ELOVL1: variants seen among roughly 807,000 people sequenced by gnomAD.
The protein encoded by ELOVL1 is ELOVL fatty acid elongase 1, also known as very long chain fatty acid elongase 1.
In ELOVL1, 10 loss-of-function variants were observed where a neutral mutation model predicts 37.8. The observed-to-expected ratio is 0.26, with a 90% confidence interval of 0.16 to 0.45. The LOEUF (loss-of-function observed/expected upper bound fraction) is 0.45. ELOVL1 is among the 20% of genes least tolerant of loss of function. ELOVL1 has a pLI of 1.00. For missense variants in ELOVL1, 256 were observed against 352.7 expected (o/e 0.73, Z 2.20); for synonymous variants, 133 against 123.8 (o/e 1.07, Z -0.49).
At chr1:43,365,713 G>A in intron 1 of ELOVL1, 90 bp from the exon 2 acceptor site, 3 of 1,277,850 alleles carry the variant, frequency 2.3e-6, no homozygotes, top group Non-Finnish European at 3.4e-6. Context: ...CAAGACACCT[G>A]CAATGCCTCA....
At position 43,363,619 on chromosome 1, in the gene ELOVL1, TC is replaced by T. The variant is rs1647185831; in HGVS notation, c.*296del. 1 of 449,784 alleles carries T rather than the reference TC, an allele frequency of 2.2e-6. No individual in the cohort carries two copies. Among genetic ancestry groups the T allele is most frequent in the Non-Finnish European group, 4.1e-6 (1 of 246,238 alleles). 27.9% of individuals were successfully genotyped at this position (449,784 alleles called of 1,614,324 possible). ...CCTTTGTGGGGCCAGCCCTGAGTGC[TC>T]CTCTCCCAAGTTTTAAGGCAGGGAG... On this transcript the variant is annotated 3_prime_UTR_variant, in exon 8 of 8. Transcript: ENST00000372458.
In ELOVL1 at chr1:43,365,394, A is replaced by T. The variant is rs1310502409; in HGVS notation, c.47-18T>A. ...CCGGGGATCTATGAATAAGGGTCAA[A>T]GGAATCAGGAAGAGTCACAGGGTTC... is the stretch of plus-strand genomic sequence containing the variant. On this transcript the variant is annotated intron_variant, in intron 2 of 7. Coordinates refer to ENST00000372458, the MANE Select transcript of ELOVL1 (RefSeq NM_022821.4). The T allele has an allele frequency of 6.2e-7, 1 of 1,609,726 alleles. No homozygotes were observed. Among genetic ancestry groups the T allele is most frequent in the Non-Finnish European group, 8.5e-7 (1 of 1,177,688 alleles).
At position 43,363,901 on chromosome 1, in the gene ELOVL1, T is replaced by C; in HGVS notation, c.*15A>G. On this transcript the variant is annotated 3_prime_UTR_variant, in exon 8 of 8. Transcript: ENST00000372458. The stretch of plus-strand genomic sequence containing the variant: ...CCTGAGGCACTTAGGTGGGCGCCTA[T>C]CTAGGCCATGCTTCTCAGTTGGCCT... The C allele has an allele frequency of 6.2e-7, 1 of 1,612,290 alleles. No homozygotes were observed. Among genetic ancestry groups the C allele is most frequent in the Non-Finnish European group, 8.5e-7 (1 of 1,179,846 alleles).
chr1:43,365,134 C>A, intron 3 of ELOVL1, 52 bp downstream of exon 3: 2 of 1,608,190 alleles, frequency 1.2e-6, no homozygotes, highest in Non-Finnish European at 1.7e-6. Flanking sequence ...GCTCTATGGC[C>A]TGCTCCTTAT....
Position 43,363,866 on chromosome 1 carries a change from A to G in ELOVL1, c.*50T>C. 6.5e-7 allele frequency: 1 copy of G among 1,541,064 alleles called. No individual in the cohort carries two copies. The highest frequency in any genetic ancestry group is 9.0e-7 in the Non-Finnish European group (1 of 1,116,326). On this transcript the variant is annotated 3_prime_UTR_variant, in exon 8 of 8. Transcript: ENST00000372458. ...AGAGGGCACTGACGGACACTGCCCT[A>G]AGGTGCAGTCCTGAGGCACTTAGGT...
chr1:43,366,822 C>T (rs542797774), intron 1 of ELOVL1, among the ~76,000 whole-genome samples: 1 of 152,090 alleles, frequency 6.6e-6, no homozygotes, highest in Non-Finnish European at 1.5e-5. Context: ...GCCCCCTCCC[C>T]CTCAGGGCCT....
chr1:43,364,940 AG>A lies in ELOVL1; in HGVS notation c.305del (p.Pro102LeufsTer21). The stretch of plus-strand genomic sequence containing the variant: ...AGCCCCTACTTACCCTAAGTGCCTC[AG>A]GGCTGTTGGAATAGTCCACAGGGTC... ...RCDPVDYSNS[P>X]EALRMVRVAW... On this transcript the variant is annotated frameshift_variant, in exon 4 of 8. Transcript: ENST00000372458. LOFTEE classifies it high-confidence loss of function. This position sits in a 1 kb window ranked among gnomAD's most constrained non-coding sequence, Gnocchi z 5.2. 6.2e-7 allele frequency: 1 copy of A among 1,613,972 alleles called. No individual in the cohort carries two copies. The highest frequency in any genetic ancestry group is 8.5e-7 in the Non-Finnish European group (1 of 1,179,946).
At position 43,363,853 on chromosome 1, in the gene ELOVL1, C is replaced by A. The variant is rs749358750; in HGVS notation, c.*63G>T. On this transcript the variant is annotated 3_prime_UTR_variant, in exon 8 of 8. Coordinates refer to ENST00000372458, the MANE Select transcript of ELOVL1 (RefSeq NM_022821.4). ...CAGGTGTAGGTGGAGAGGGCACTGACGGACACTGCCCTAAGGTGCAGTCCT... is the reference window on the plus strand; with the variant it reads ...CAGGTGTAGGTGGAGAGGGCACTGAAGGACACTGCCCTAAGGTGCAGTCCT... 1.3e-6 allele frequency: 2 copies of A among 1,485,384 alleles called. No individual in the cohort carries two copies. 92.0% of individuals were successfully genotyped at this position (1,485,384 alleles called of 1,614,324 possible). A position where few individuals can be genotyped will look rare whatever the true frequency, so the allele number is the denominator to read the frequency against.
chr1:43,364,740 T>G lies in ELOVL1; in HGVS notation c.373A>C (p.Thr125Pro), dbSNP rs1338798247. ...TCACATCTCATATAACTACTCACTG[T>G]GTCCATCAGCTCAATGAACTTGGAG... Reference protein sequence around the residue: ...LFSKFIELMDTVIFILRKKDG... With the variant: ...LFSKFIELMDPVIFILRKKDG... The change falls in exon 5 of 8, where the codon ACA (threonine) becomes CCA (proline). Residue 125 changes from threonine to proline, a missense_variant and splice_region_variant. Coordinates refer to ENST00000372458, the MANE Select transcript of ELOVL1 (RefSeq NM_022821.4). This position sits in a 1 kb window ranked among gnomAD's most constrained non-coding sequence, Gnocchi z 5.2. 1 of 1,614,124 alleles carries G rather than the reference T, an allele frequency of 6.2e-7. No homozygotes were observed. The highest frequency in any genetic ancestry group is 8.5e-7 in the Non-Finnish European group (1 of 1,180,040).
Position 43,363,532 on chromosome 1 carries a change from AG to A in ELOVL1, c.*383del. 1 of 361,432 alleles carries A rather than the reference AG, an allele frequency of 2.8e-6. No individual in the cohort carries two copies. Among genetic ancestry groups the A allele is most frequent in the Middle Eastern group, 8.4e-4 (1 of 1,196 alleles). 22.4% of individuals were successfully genotyped at this position (361,432 alleles called of 1,614,324 possible). On this transcript the variant is annotated 3_prime_UTR_variant, in exon 8 of 8. Coordinates refer to ENST00000372458, the MANE Select transcript of ELOVL1 (RefSeq NM_022821.4). ...CTTCAGTGTGTGGGGTGGAGGAGTGAGACTGGGTCCACAGTGACATTATTGC... is the reference window on the plus strand; with the variant it reads ...CTTCAGTGTGTGGGGTGGAGGAGTGAACTGGGTCCACAGTGACATTATTGC...
rs1436154176 is a variant in ELOVL1, at chr1:43,363,975, G to T, written c.781C>A (p.Leu261Met). 1 of 1,614,184 alleles carries T rather than the reference G, an allele frequency of 6.2e-7. No individual in the cohort carries two copies. The highest frequency in any genetic ancestry group is 1.3e-5 in the African/African-American group (1 of 75,062). The change falls in exon 8 of 8, where the codon CTG becomes ATG. Residue 261 changes from leucine to methionine, a missense_variant. This residue lies in a region of ELOVL1 where 59 missense variants were observed against 73.3 expected (regional missense o/e 0.80). Coordinates refer to ENST00000372458, the MANE Select transcript of ELOVL1 (RefSeq NM_022821.4). ...CCATTTTGCTGAAGTGCACGGGGCA[G>T]CCGCTTGCCCTTGGTATAAGAGTGA... Reference protein sequence around the residue: ...WYHSYTKGKRLPRALQQNGAP... With the variant: ...WYHSYTKGKRMPRALQQNGAP...
chr1:43,365,384 T>C lies in ELOVL1; in HGVS notation c.47-8A>G. 6.2e-7 allele frequency: 1 copy of C among 1,610,574 alleles called. No individual in the cohort carries two copies. Among genetic ancestry groups the C allele is most frequent in the Non-Finnish European group, 8.5e-7 (1 of 1,178,176 alleles). ...AGCCCTGGATCCGGGGATCTATGAA[T>C]AAGGGTCAAAGGAATCAGGAAGAGT... On this transcript the variant is annotated splice_polypyrimidine_tract_variant and splice_region_variant and intron_variant, in intron 2 of 7. Transcript: ENST00000372458.
Position 43,364,616 on chromosome 1 carries a change from T to G in ELOVL1, c.407A>C (p.Gln136Pro). The change falls in exon 6 of 8, where the codon CAG becomes CCG. Residue 136 changes from glutamine to proline, a missense_variant. Gln to Pro is a moderately conservative substitution (Grantham distance 76). Around this residue, in one of 3 missense-constraint regions of ELOVL1, gnomAD observed 158 missense variants for 189.4 expected, o/e 0.83. Transcript: ENST00000372458. The surrounding 1 kb of genome is among the most constrained non-coding windows in gnomAD (Gnocchi z 5.2). Reference protein sequence around the residue: ...VIFILRKKDGQVTFLHVFHHS... With the variant: ...VIFILRKKDGPVTFLHVFHHS... Reference sequence around the variant, plus strand: ...ATGGAAGACATGTAGGAAGGTCACCTGCCCGTCTTTCTTTCGGAGAATAAA... The same window carrying G: ...ATGGAAGACATGTAGGAAGGTCACCGGCCCGTCTTTCTTTCGGAGAATAAA... 2 of 1,614,164 alleles carry G rather than the reference T, an allele frequency of 1.2e-6. No individual in the cohort carries two copies. Among genetic ancestry groups the G allele is most frequent in the Non-Finnish European group, 1.7e-6 (2 of 1,180,006 alleles).
Position 43,363,849 on chromosome 1 carries a change from C to T in ELOVL1, c.*67G>A. ...GTCACAGGTGTAGGTGGAGAGGGCA[C>T]TGACGGACACTGCCCTAAGGTGCAG... On this transcript the variant is annotated 3_prime_UTR_variant, in exon 8 of 8. Transcript: ENST00000372458. The T allele has an allele frequency of 1.4e-6, 2 of 1,446,278 alleles. No individual in the cohort carries two copies. The highest frequency in any genetic ancestry group is 9.7e-7 in the Non-Finnish European group (1 of 1,033,484). 89.6% of individuals were successfully genotyped at this position (1,446,278 alleles called of 1,614,324 possible).
chr1:43,363,624 TC>T lies in ELOVL1; in HGVS notation c.*291del. On this transcript the variant is annotated 3_prime_UTR_variant, in exon 8 of 8. Transcript: ENST00000372458. ...GTGGGGCCAGCCCTGAGTGCTCCTC[TC>T]CCAAGTTTTAAGGCAGGGAGGGGGA... 1 of 456,450 alleles carries T rather than the reference TC, an allele frequency of 2.2e-6. No individual in the cohort carries two copies. The highest frequency in any genetic ancestry group is 4.0e-6 in the Non-Finnish European group (1 of 250,072). The allele number at this position is 456,450 out of a possible 1,614,324, so 28.3% of individuals were successfully genotyped here.
In ELOVL1 at chr1:43,365,371, G is replaced by A. The variant is rs1360772987; in HGVS notation, c.52C>T (p.Arg18Trp). The change falls in exon 3 of 8, where the codon CGG becomes TGG. Residue 18 changes from arginine to tryptophan, a missense_variant. Transcript: ENST00000372458. ...YQEVMKHADPRIQGYPLMGSP... is the reference protein window; with the variant it reads ...YQEVMKHADPWIQGYPLMGSP... ...CCCATCAGAGGGTAGCCCTGGATCC[G>A]GGGATCTATGAATAAGGGTCAAAGG... 3.7e-6 allele frequency: 6 copies of A among 1,610,972 alleles called. No individual in the cohort carries two copies. Among genetic ancestry groups the A allele is most frequent in the Non-Finnish European group, 4.2e-6 (5 of 1,178,396 alleles).
chr1:43,366,767 C>T (rs1470719546), intron 1 of ELOVL1, among the ~76,000 whole-genome samples: 2 of 151,878 alleles, frequency 1.3e-5, no homozygotes, highest in South Asian at 2.1e-4. Context: ...TGGGGGAGGT[C>T]GCAGGAATCT....
chr1:43,365,408 G>A lies in ELOVL1; in HGVS notation c.47-32C>T. 6 of 1,609,682 alleles carry A rather than the reference G, an allele frequency of 3.7e-6. No homozygotes were observed. In the South Asian group the frequency reaches 5.5e-5, roughly 15 times the overall value. On this transcript the variant is annotated intron_variant, in intron 2 of 7. Transcript: ENST00000372458. ...ATAAGGGTCAAAGGAATCAGGAAGA[G>A]TCACAGGGTTCGAAGGGTCTTCATT...
rs757824243 is a variant in ELOVL1 at position 43,364,946 on chromosome 1, G to A, written c.300C>T (p.Asn100=). 2 of 1,614,016 alleles carry A rather than the reference G, an allele frequency of 1.2e-6. No individual in the cohort carries two copies. Among genetic ancestry groups the A allele is most frequent in the East Asian group, 2.2e-5 (1 of 44,864 alleles). ...TACTTACCCTAAGTGCCTCAGGGCT[G>A]TTGGAATAGTCCACAGGGTCACAGC... ...TWRCDPVDYS[N]SPEALRMVRV... Residue 100 remains asparagine, a synonymous_variant, in exon 4 of 8, where the codon AAC becomes AAT. Transcript: ENST00000372458. The surrounding 1 kb of genome is among the most constrained non-coding windows in gnomAD (Gnocchi z 5.2).
Sources: gnomAD v4.1 joint callset for allele counts (sites outside exome capture counted in the v4.1 genomes callset) on GRCh38, gnomAD v4.1.1 for gene constraint, gnomAD v4.1.1 regional missense constraint, Gnocchi (gnomAD v3.1) non-coding constraint, MANE v1.5 for transcripts, NCBI Gene and HGNC (gene_info 2026-07-23, HGNC 2026-07-21) for gene names.